Variants in REV3L observed in about 807,000 individuals in gnomAD.
The protein encoded by REV3L is DNA polymerase zeta catalytic subunit.
In REV3L, 69 loss-of-function variants were observed where a neutral mutation model predicts 299.4. The ratio of observed to expected loss-of-function variants is 0.23; its 90% CI spans 0.19 to 0.28. REV3L has a LOEUF of 0.28. Ranked by LOEUF, REV3L falls within the 10% of genes least tolerant of loss-of-function variation. The pLI is 1.00. For synonymous variants in REV3L, 1,238 were observed against 1,271.4 expected (o/e 0.97, Z 0.56); for missense variants, 3,128 against 3,693.8 (o/e 0.85, Z 3.97).
rs1010400678 is a variant in REV3L at position 111,343,861 on chromosome 6, T to C, written c.7538+64A>G. 8.8e-6 allele frequency: 10 copies of C among 1,138,624 alleles called. No homozygotes were observed. In the Admixed American group the frequency reaches 1.8e-4, roughly 21 times the overall value. 70.5% of individuals were successfully genotyped at this position (1,138,624 alleles called of 1,614,324 possible). The stretch of plus-strand genomic sequence containing the variant: ...ATACACTTTAAATGTGTGCATTTTA[T>C]TACATATAAATTACATCTCAATGAT... On this transcript the variant is annotated intron_variant, in intron 21 of 31. Coordinates refer to ENST00000368802, the MANE Select transcript of REV3L (RefSeq NM_001372078.1).
At chr6:111,429,308 C>T (rs1199563354) in intron 1 of REV3L, among the ~76,000 whole-genome samples, 1 of 152,008 alleles carries the variant, frequency 6.6e-6, no homozygotes, top group Non-Finnish European at 1.5e-5. Context: ...GCCATTGTGC[C>T]CAGTCAAATA....
intron 1 of REV3L, among the ~76,000 whole-genome samples, chr6:111,477,944 CAA>C (rs1793134551): frequency 6.6e-6 from 1 of 152,110 alleles, no homozygotes; most frequent in African/African-American, 2.4e-5. Context: ...TAGACGGATT[CAA>C]AAGACAACCA....
chr6:111,451,746 G>T (rs924579324), intron 1 of REV3L, among the ~76,000 whole-genome samples: 50 of 151,526 alleles, frequency 3.3e-4, no homozygotes, highest in African/African-American at 1.2e-3. Flanking sequence ...CCACAATCTG[G>T]TAAGAACAGA....
At position 111,299,076 on chromosome 6, in the gene REV3L, T is replaced by TAAC. The variant is rs1771183926; in HGVS notation, c.*937_*939dup. On this transcript the variant is annotated 3_prime_UTR_variant, in exon 32 of 32. Coordinates refer to ENST00000368802, the MANE Select transcript of REV3L (RefSeq NM_001372078.1). ...TCAATTTTAATATGGTTTCCATTAT[T>TAAC]AACTTTTAAAACAAAATGATTTCCA... 6.6e-6 allele frequency: 1 copy of TAAC among 152,522 alleles called. No individual in the cohort carries two copies. The highest frequency in any genetic ancestry group is 6.5e-5 in the Admixed American group (1 of 15,274). 9.4% of individuals were successfully genotyped at this position (152,522 alleles called of 1,614,324 possible).
intron 6 of REV3L, 138 bp from the exon 7 acceptor site, chr6:111,389,348 A>G (rs1781669671): frequency 6.2e-6 from 4 of 649,436 alleles, no homozygotes; most frequent in Middle Eastern, 3.1e-4. Flanking sequence ...AATTATCCCA[A>G]CCTACACTTA....
chr6:111,374,094 G>T lies in REV3L; in HGVS notation c.4261C>A (p.His1421Asn). The change falls in exon 13 of 32, where the codon CAT becomes AAT. Residue 1421 changes from histidine (H) to asparagine (N), a missense_variant. His to Asn is a moderately conservative substitution (Grantham distance 68). This residue lies in a region of REV3L where 2,409 missense variants were observed against 2,611.8 expected (regional missense o/e 0.92). Coordinates refer to ENST00000368802, the MANE Select transcript of REV3L (RefSeq NM_001372078.1). ...LDQAYTPNFL[H>N]CKDSQQQIVC... is the part of the protein sequence containing the mutation. ...ATCTGCTGCTGACTGTCTTTGCAAT[G>T]CAAAAAATTAGGGGTATATGCTTGG... The T allele has an allele frequency of 6.2e-7, 1 of 1,614,016 alleles. No homozygotes were observed. The highest frequency in any genetic ancestry group is 8.5e-7 in the Non-Finnish European group (1 of 1,179,942).
At chr6:111,459,203 T>C (rs1007570370) in intron 1 of REV3L, among the ~76,000 whole-genome samples, 1 of 152,050 alleles carries the variant, frequency 6.6e-6, no homozygotes, top group Non-Finnish European at 1.5e-5. Context: ...ATTCAATACA[T>C]GGTGCTGGGA....
intron 2 of REV3L, among the ~76,000 whole-genome samples, chr6:111,414,290 G>C (rs1784544979): frequency 6.6e-6 from 1 of 151,966 alleles, no homozygotes; most frequent in East Asian, 1.9e-4. Context: ...ATTGGGGAAG[G>C]GTAGAACACT....
chr6:111,478,883 A>G (rs1004259167), intron 1 of REV3L, among the ~76,000 whole-genome samples: 2 of 152,276 alleles, frequency 1.3e-5, no homozygotes, highest in East Asian at 3.9e-4. Flanking sequence ...CTCCCTCTAT[A>G]GTCTGTCTGG....
intron 3 of REV3L, 134 bp downstream of exon 3, chr6:111,411,346 C>CATA (rs1203381632): frequency 3.2e-6 from 2 of 626,494 alleles, no homozygotes; most frequent in African/African-American, 3.7e-5. Context: ...TCTCTCTATA[C>CATA]ACGTACATGT....
Position 111,374,511 on chromosome 6 carries a change from G to A in REV3L, c.3844C>T (p.Leu1282=), listed in dbSNP as rs1342750029. ...TGTTGTGCATTAATTCCAGTGGGTA[G>A]GGAAGCAGAAAGGGGATGATCTACA... is the stretch of plus-strand genomic sequence containing the variant. ...SAVDHPLSAS[L]PTGINAQQKL... The change falls in exon 13 of 32, where the codon CTA becomes TTA. Residue 1282 remains leucine, a synonymous_variant. Coordinates refer to ENST00000368802, the MANE Select transcript of REV3L (RefSeq NM_001372078.1). The A allele has an allele frequency of 1.2e-6, 2 of 1,613,984 alleles. No individual in the cohort carries two copies. The highest frequency in any genetic ancestry group is 8.5e-7 in the Non-Finnish European group (1 of 1,179,922).
At chr6:111,370,034 T>C (rs959800269) in intron 13 of REV3L, among the ~76,000 whole-genome samples, 1 of 152,300 alleles carries the variant, frequency 6.6e-6, no homozygotes, top group Non-Finnish European at 1.5e-5. Context: ...GGTTTCACCA[T>C]GTTGGCCAGG....
At chr6:111,457,704 C>G (rs1790309854) in intron 1 of REV3L, among the ~76,000 whole-genome samples, 1 of 151,516 alleles carries the variant, frequency 6.6e-6, no homozygotes, top group African/African-American at 2.4e-5. Context: ...CATACAAGAG[C>G]AATTAGACAA....
At chr6:111,460,262 T>A (rs1399689271) in intron 1 of REV3L, 1 of 151,996 alleles carries the variant, frequency 6.6e-6, no homozygotes, top group Non-Finnish European at 1.5e-5. Flanking sequence ...CACTGGAGAA[T>A]ACAAGATGGG....
chr6:111,438,278 T>C (rs1787834868), intron 1 of REV3L, among the ~76,000 whole-genome samples: 1 of 152,120 alleles, frequency 6.6e-6, no homozygotes, highest in Admixed American at 6.5e-5. Context: ...AATGCATTCA[T>C]TAAATTATTC....
intron 21 of REV3L, 80 bp downstream of exon 21, chr6:111,343,845 A>T: frequency 9.6e-7 from 1 of 1,038,108 alleles, no homozygotes; most frequent in Non-Finnish European, 1.4e-6. Context: ...AATACACTTT[A>T]AATGTGTGCA....
At chr6:111,360,845 C>A (rs1327292550) in intron 16 of REV3L, 2 of 151,724 alleles carry the variant, frequency 1.3e-5, no homozygotes, top group Non-Finnish European at 2.9e-5. Flanking sequence ...AAAACAAATA[C>A]AAATCTACCA....
intron 21 of REV3L, among the ~76,000 whole-genome samples, chr6:111,340,598 A>ATG (rs1776378989): frequency 6.6e-6 from 1 of 152,136 alleles, no homozygotes; most frequent in South Asian, 2.1e-4. Context: ...TACAATATAT[A>ATG]TGTATGTCCT....
chr6:111,470,101 T>C (rs1340465568), intron 1 of REV3L, among the ~76,000 whole-genome samples: 3 of 151,904 alleles, frequency 2.0e-5, no homozygotes, highest in Admixed American at 2.0e-4. Context: ...AATAGGAGCA[T>C]GAATTTGAGA....
Sources: allele counts gnomAD v4.1 joint callset (sites outside exome capture counted in the v4.1 genomes callset), GRCh38; gene constraint gnomAD v4.1.1; regional missense constraint gnomAD v4.1.1; transcripts MANE v1.5; gene names NCBI Gene and HGNC (gene_info 2026-07-23, HGNC 2026-07-21).